Variants in COL4A2 observed in about 807,000 individuals in gnomAD.
COL4A2 encodes the protein collagen alpha-2(IV) chain.
COL4A2 carries 99 observed loss-of-function variants against 200.2 expected under a neutral mutation model. That is an observed-to-expected ratio of 0.49 (90% CI 0.42 to 0.58). The LOEUF (loss-of-function observed/expected upper bound fraction) is 0.58. COL4A2 is among the 20% of genes least tolerant of loss of function. The pLI is 0.00. For missense variants in COL4A2, 1,950 were observed against 2,314.1 expected, an observed-to-expected ratio of 0.84 and a Z score of 3.23; for synonymous variants, 897 against 900.6, an observed-to-expected ratio of 1.00 and a Z score of 0.07.
chr13:110,477,243 T>A (rs1882737088), intron 29 of COL4A2, among the ~76,000 whole-genome samples: 1 of 152,024 alleles, frequency 6.6e-6, no homozygotes, highest in Non-Finnish European at 1.5e-5. Context: ...TTCACCAAAA[T>A]CAATAACCAG....
chr13:110,446,857 A>C lies in COL4A2; in HGVS notation c.1071A>C (p.Leu357=), dbSNP rs1014590616. 3 of 1,611,426 alleles carry C rather than the reference A, an allele frequency of 1.9e-6. No individual in the cohort carries two copies. The South Asian group carries it at 3.3e-5, about 18-fold the overall frequency. Residue 357 remains leucine, a synonymous_variant, in exon 18 of 48, where the codon CTA becomes CTC. Transcript: ENST00000360467. The part of the protein sequence containing the change: ...GLPAYSPHPS[L]AKGARGDPGF... Reference sequence around the variant, plus strand: ...CTGCCTACTCCCCTCACCCTTCCCTAGCAAAAGGTGTGTGAACAATTTCAC... The same window carrying C: ...CTGCCTACTCCCCTCACCCTTCCCTCGCAAAAGGTGTGTGAACAATTTCAC...
intron 39 of COL4A2, among the ~76,000 whole-genome samples, chr13:110,495,077 C>G (rs1274535870): frequency 6.6e-6 from 1 of 152,206 alleles, no homozygotes; most frequent in African/African-American, 2.4e-5. Context: ...GCTCCTTGAC[C>G]CACTGTTTCT....
At chr13:110,444,515 G>A (rs1881251760) in intron 16 of COL4A2, among the ~76,000 whole-genome samples, 1 of 152,228 alleles carries the variant, frequency 6.6e-6, no homozygotes, top group Admixed American at 6.5e-5. Context: ...CACCTAGCGT[G>A]AGAGAAAGTC....
chr13:110,459,803 C>T (rs1279570153), intron 22 of COL4A2: 1 of 152,218 alleles, frequency 6.6e-6, no homozygotes, highest in East Asian at 1.9e-4. Flanking sequence ...CATTCGCCTT[C>T]TGAAGTTTAG....
rs1340849111 is a variant in COL4A2 at position 110,473,108 on chromosome 13, C to T, written c.2383C>T (p.Leu795Phe). 23 of 1,562,978 alleles carry T rather than the reference C, an allele frequency of 1.5e-5. No homozygotes were observed. Among genetic ancestry groups the T allele is most frequent in the Middle Eastern group, 1.7e-4 (1 of 5,802 alleles). ...GDAGVPGQPG[L>F]KGLPGDRGPP... ...TGCTGGTGTGCCTGGACAGCCTGGG[C>T]TTAAAGGCCTTCCCGGAGACAGAGG... is the stretch of plus-strand genomic sequence containing the variant. The change falls in exon 29 of 48, where the codon CTT becomes TTT. Residue 795 changes from leucine (L) to phenylalanine (F), a missense_variant. Leu to Phe is a conservative substitution (Grantham distance 22). Coordinates refer to ENST00000360467, the MANE Select transcript of COL4A2 (RefSeq NM_001846.4).
chr13:110,363,650 T>C (rs1877614452), intron 4 of COL4A2, among the ~76,000 whole-genome samples: 1 of 152,146 alleles, frequency 6.6e-6, no homozygotes. Flanking sequence ...CCCACGCAGA[T>C]ATGAAGCAAA....
At chr13:110,460,824 T>C (rs1252573424) in intron 22 of COL4A2, among the ~76,000 whole-genome samples, 9 of 152,186 alleles carry the variant, frequency 5.9e-5, no homozygotes, top group Admixed American at 3.9e-4. Flanking sequence ...CCTCCATCCA[T>C]ATACCCAACG....
intron 4 of COL4A2, among the ~76,000 whole-genome samples, chr13:110,406,875 C>T (rs1353419115): frequency 2.0e-5 from 3 of 152,200 alleles, no homozygotes; most frequent in Non-Finnish European, 4.4e-5. Flanking sequence ...GACTGGTAAA[C>T]TGTGAGGAAT....
intron 12 of COL4A2, among the ~76,000 whole-genome samples, chr13:110,434,993 CCT>C (rs1880819500): frequency 6.6e-6 from 1 of 152,218 alleles, no homozygotes; most frequent in Non-Finnish European, 1.5e-5. Context: ...GCAAGCAAAA[CCT>C]CACCAACACA....
intron 3 of COL4A2, among the ~76,000 whole-genome samples, chr13:110,319,306 A>C (rs1885222538): frequency 6.6e-6 from 1 of 152,202 alleles, no homozygotes; most frequent in Non-Finnish European, 1.5e-5. Context: ...ATATTAATTA[A>C]ATTTCAGTCA....
chr13:110,360,086 A>T (rs1183428567), intron 4 of COL4A2, among the ~76,000 whole-genome samples: 1 of 152,302 alleles, frequency 6.6e-6, no homozygotes, highest in East Asian at 1.9e-4. Flanking sequence ...TCCCAACGAC[A>T]CTTCTGTGGC....
chr13:110,330,160 A>G (rs1462556014), intron 3 of COL4A2, among the ~76,000 whole-genome samples: 2 of 152,202 alleles, frequency 1.3e-5, no homozygotes, highest in African/African-American at 4.8e-5. Flanking sequence ...TTAACTGAGA[A>G]TGGACCTTGA....
At chr13:110,507,122 A>T (rs1271497696) in intron 46 of COL4A2, among the ~76,000 whole-genome samples, 1 of 152,194 alleles carries the variant, frequency 6.6e-6, no homozygotes, top group Admixed American at 6.5e-5. Context: ...TTACAAGTGG[A>T]GGTAGCTTAG....
At chr13:110,381,821 G>A (rs1173253769) in intron 4 of COL4A2, among the ~76,000 whole-genome samples, 4 of 152,120 alleles carry the variant, frequency 2.6e-5, no homozygotes, top group African/African-American at 7.2e-5. Context: ...TCATATCATC[G>A]TTATTATTAG....
chr13:110,417,138 G>A lies in COL4A2; in HGVS notation c.181-7596G>A, dbSNP rs550715542. Among the ~76,000 whole-genome samples, 8 of 152,184 alleles carry A rather than the reference G, an allele frequency of 5.3e-5. No individual in the cohort carries two copies. The South Asian group carries it at 1.0e-3, about 20-fold the overall frequency. On this transcript the variant is annotated intron_variant, in intron 4 of 47. Transcript: ENST00000360467. ...TGGGGCTACAGGAGCCCACCACCACGCCTGGCTCATTTTTGTATTTTTAGT... is the reference window on the plus strand; with the variant it reads ...TGGGGCTACAGGAGCCCACCACCACACCTGGCTCATTTTTGTATTTTTAGT...
At chr13:110,430,812 T>C in intron 10 of COL4A2, 1 of 829,816 alleles carries the variant, frequency 1.2e-6, no homozygotes, top group Admixed American at 1.7e-5. Context: ...CTTAAAATTA[T>C]GGTCACCAGC....
rs1051839507 is a variant in COL4A2 at position 110,469,076 on chromosome 13, G to T, written c.2096-141G>T. The T allele has an allele frequency of 4.8e-6, 4 of 829,254 alleles. No individual in the cohort carries two copies. In the African/African-American group the frequency reaches 6.9e-5, roughly 14 times the overall value. 51.4% of individuals were successfully genotyped at this position (829,254 alleles called of 1,614,324 possible). On this transcript the variant is annotated intron_variant, in intron 27 of 47. Coordinates refer to ENST00000360467, the MANE Select transcript of COL4A2 (RefSeq NM_001846.4). ...TGAAAATCATTCTGTAAGCCTGGAG[G>T]TGCTGTTTCAGGCTGATATTCCCCC...
intron 8 of COL4A2, 182 bp downstream of exon 8, chr13:110,430,138 TTG>T (rs1454101435): frequency 1.4e-6 from 1 of 730,434 alleles, no homozygotes; most frequent in Non-Finnish European, 2.0e-6. Flanking sequence ...TTATTTTTAA[TTG>T]TGTGTTTATC....
intron 28 of COL4A2, among the ~76,000 whole-genome samples, chr13:110,472,336 C>T (rs1213457031): frequency 2.6e-5 from 4 of 152,038 alleles, no homozygotes; most frequent in South Asian, 2.1e-4. Flanking sequence ...AGGATGGTCT[C>T]GATCTCCTGA....
Sources: gnomAD v4.1 joint callset for allele counts (sites outside exome capture counted in the v4.1 genomes callset) on GRCh38, gnomAD v4.1.1 for gene constraint, MANE v1.5 for transcripts, NCBI Gene and HGNC (gene_info 2026-07-23, HGNC 2026-07-21) for gene names.